SV2C: variants seen among roughly 807,000 people sequenced by gnomAD.
SV2C encodes the protein solute carrier family 22 member B3.
SV2C carries 49 observed loss-of-function variants against 79.7 expected under a neutral mutation model. The observed-to-expected ratio is 0.61, with a 90% CI of 0.49 to 0.78. The LOEUF is 0.78. Ranked by LOEUF, SV2C falls within the 30% of genes least tolerant of loss-of-function variation. The pLI is 0.00. For missense variants in SV2C, 833 were observed against 912.9 expected (o/e 0.91, Z 1.13); for synonymous variants, 334 against 333.2 (o/e 1.00, Z -0.03).
intron 4 of SV2C, among the ~76,000 whole-genome samples, chr5:76,280,689 G>T (rs902674581): frequency 6.6e-6 from 1 of 152,056 alleles, no homozygotes; most frequent in Admixed American, 6.5e-5. Context: ...TGCTTTCCCC[G>T]GGGGGTGCCT....
the SV2C span, among the ~76,000 whole-genome samples, chr5:75,871,148 GATCATCTAGATAGATGCAA>G: frequency 6.6e-6 from 1 of 152,158 alleles, no homozygotes; most frequent in Admixed American, 6.5e-5. Flanking sequence ...AAAGGTATGT[GATCATCTAGATAGATGCAA>G]AAAAGACATT....
rs566682704 is a variant in SV2C, at chr5:76,104,745, C to T, written c.-102+21233C>T. Among the ~76,000 whole-genome samples, 5 of 152,240 alleles carry T rather than the reference C, an allele frequency of 3.3e-5. No individual in the cohort carries two copies. The South Asian group carries it at 1.0e-3, about 32-fold the overall frequency. On this transcript the variant is annotated intron_variant, in intron 1 of 12. Coordinates refer to ENST00000502798, the MANE Select transcript of SV2C (RefSeq NM_014979.4). The stretch of plus-strand genomic sequence containing the variant: ...GAGATGGCTCCATGGTAGGCTCTGC[C>T]AATAGGAGACACTAGAGGGAGATGA...
chr5:76,297,366 C>T (rs1187735189), intron 9 of SV2C, among the ~76,000 whole-genome samples: 1 of 152,170 alleles, frequency 6.6e-6, no homozygotes, highest in Non-Finnish European at 1.5e-5. Flanking sequence ...TGGAGGAGCA[C>T]ACAAGAAACT....
At chr5:76,055,323 A>G in the SV2C span, among the ~76,000 whole-genome samples, 1 of 151,988 alleles carries the variant, frequency 6.6e-6, no homozygotes, top group African/African-American at 2.4e-5. Context: ...GTGTGGTATG[A>G]TTTCTGAGGT....
intron 3 of SV2C, among the ~76,000 whole-genome samples, chr5:76,201,814 C>T (rs1362162108): frequency 6.6e-6 from 1 of 151,812 alleles, no homozygotes; most frequent in Non-Finnish European, 1.5e-5. Context: ...GTCAGGAGAT[C>T]GAGACCATCC....
chr5:76,321,031 C>T (rs1250391715), intron 12 of SV2C, among the ~76,000 whole-genome samples: 1 of 152,188 alleles, frequency 6.6e-6, no homozygotes, highest in African/African-American at 2.4e-5. Flanking sequence ...AACTCACAGA[C>T]TGGATTTGTG....
chr5:76,113,929 C>G (rs529599261), intron 1 of SV2C, among the ~76,000 whole-genome samples: 1 of 152,192 alleles, frequency 6.6e-6, no homozygotes, highest in East Asian at 1.9e-4. Flanking sequence ...CATACACACA[C>G]ACACACACAC....
chr5:76,257,093 T>C (rs1746292091), intron 4 of SV2C, among the ~76,000 whole-genome samples: 1 of 152,068 alleles, frequency 6.6e-6, no homozygotes, highest in African/African-American at 2.4e-5. Context: ...TGCACAGGTG[T>C]TCTGATGTGC....
chr5:76,137,697 AT>A (rs936857136), intron 2 of SV2C, among the ~76,000 whole-genome samples: 1 of 152,230 alleles, frequency 6.6e-6, no homozygotes, highest in Non-Finnish European at 1.5e-5. Context: ...AATTAAAAAA[AT>A]CATATTACAA....
At chr5:76,197,462 A>G (rs533143158) in intron 3 of SV2C, among the ~76,000 whole-genome samples, 4 of 152,122 alleles carry the variant, frequency 2.6e-5, no homozygotes, top group African/African-American at 9.7e-5. Context: ...TCAAGCATAA[A>G]TCAAGTTAAT....
chr5:76,316,591 A>C (rs988422525), intron 12 of SV2C, among the ~76,000 whole-genome samples: 1 of 152,088 alleles, frequency 6.6e-6, no homozygotes, highest in Admixed American at 6.6e-5. Flanking sequence ...GGGAGTAGGA[A>C]ATTTATTTAG....
chr5:76,345,640 CTT>C (rs1321471922), intron 12 of SV2C, among the ~76,000 whole-genome samples: 1 of 152,210 alleles, frequency 6.6e-6, no homozygotes, highest in African/African-American at 2.4e-5. Flanking sequence ...CCAAAGTACT[CTT>C]TCATCTGTTG....
At chr5:75,927,356 G>A in the SV2C span, among the ~76,000 whole-genome samples, 3 of 151,950 alleles carry the variant, frequency 2.0e-5, no homozygotes, top group East Asian at 3.9e-4. Context: ...TAACATATGT[G>A]AACCTAGAGG....
At chr5:76,002,444 A>G in the SV2C span, among the ~76,000 whole-genome samples, 1 of 152,280 alleles carries the variant, frequency 6.6e-6, no homozygotes, top group East Asian at 1.9e-4. Context: ...CTGCTAGTGG[A>G]TATGGGGTTC....
chr5:75,921,836 C>G, the SV2C span, among the ~76,000 whole-genome samples: 2 of 151,038 alleles, frequency 1.3e-5, no homozygotes, highest in Admixed American at 6.6e-5. Flanking sequence ...TTTTTTTAAG[C>G]CTGTAAAGTC....
At chr5:76,073,258 A>G in the SV2C span, among the ~76,000 whole-genome samples, 2 of 151,962 alleles carry the variant, frequency 1.3e-5, no homozygotes, top group African/African-American at 4.8e-5. Flanking sequence ...TCTTGAGTTG[A>G]TTTTTATATA....
chr5:76,117,320 G>A (rs1748300756), intron 1 of SV2C, among the ~76,000 whole-genome samples: 1 of 152,150 alleles, frequency 6.6e-6, no homozygotes, highest in African/African-American at 2.4e-5. Flanking sequence ...AACTGGCACT[G>A]TAAGAAGAAA....
intron 2 of SV2C, among the ~76,000 whole-genome samples, chr5:76,167,335 C>G (rs2112261754): frequency 6.6e-6 from 1 of 152,266 alleles, no homozygotes. Flanking sequence ...TCACACGTCC[C>G]TTTTAGCTCT....
the SV2C span, among the ~76,000 whole-genome samples, chr5:76,000,664 G>A: frequency 6.6e-6 from 1 of 152,262 alleles, no homozygotes; most frequent in South Asian, 2.1e-4. Context: ...GTTACGTTAG[G>A]ATTTAAACAT....
Sources: gnomAD v4.1 joint callset for allele counts (sites outside exome capture counted in the v4.1 genomes callset) on GRCh38, gnomAD v4.1.1 for gene constraint, MANE v1.5 for transcripts, NCBI Gene and HGNC (gene_info 2026-07-23, HGNC 2026-07-21) for gene names.